The following MGAT4C variants were observed in gnomAD, a reference collection of about 807,000 sequenced individuals.
MGAT4C encodes MGAT4 family member C, also known as alpha-1,3-mannosyl-glycoprotein 4-beta-N-acetylglucosaminyltransferase C.
A neutral mutation model predicts 40.1 loss-of-function variants in MGAT4C; 19 were observed. The observed-to-expected ratio is 0.47, with a 90% CI of 0.33 to 0.70. The LOEUF is 0.70. Ranked by LOEUF, MGAT4C falls within the 30% of genes least tolerant of loss-of-function variation. The probability of loss-of-function intolerance (pLI) is 0.02; values close to 1 mark genes in which losing one functional copy is unlikely to be tolerated. For missense variants in MGAT4C, 491 were observed against 563.2 expected (o/e 0.87, Z 1.30); for synonymous variants, 181 against 187.1 (o/e 0.97, Z 0.27).
intron 2 of MGAT4C, among the ~76,000 whole-genome samples, chr12:86,716,469 A>T (rs1259310104): frequency 1.3e-5 from 2 of 152,126 alleles, no homozygotes; most frequent in Non-Finnish European, 2.9e-5. Flanking sequence ...TTGCCCTTGC[A>T]AAAAAGATAG....
chr12:86,200,298 T>C (rs1950003176), intron 1 of MGAT4C, among the ~76,000 whole-genome samples: 1 of 152,082 alleles, frequency 6.6e-6, no homozygotes, highest in Admixed American at 6.6e-5. Context: ...AATGAACACT[T>C]GGTAGTTTCT....
At chr12:86,677,821 T>C (rs1949895072) in intron 2 of MGAT4C, among the ~76,000 whole-genome samples, 1 of 152,140 alleles carries the variant, frequency 6.6e-6, no homozygotes, top group African/African-American at 2.4e-5. Flanking sequence ...AATTTAGCCA[T>C]GTTAATTTTC....
intron 2 of MGAT4C, among the ~76,000 whole-genome samples, chr12:86,591,204 T>C (rs1272719177): frequency 6.6e-6 from 1 of 152,038 alleles, no homozygotes; most frequent in African/African-American, 2.4e-5. Context: ...AACAAAGTAG[T>C]TAGCAAATAG....
intron 1 of MGAT4C, among the ~76,000 whole-genome samples, chr12:86,825,147 T>C (rs898536106): frequency 4.6e-5 from 7 of 151,120 alleles, no homozygotes; most frequent in Non-Finnish European, 1.0e-4. Context: ...ATGTACTTAA[T>C]GCCTAAATAT....
chr12:86,463,922 A>T (rs1957639152), intron 2 of MGAT4C, among the ~76,000 whole-genome samples: 1 of 152,196 alleles, frequency 6.6e-6, no homozygotes, highest in African/African-American at 2.4e-5. Flanking sequence ...TATTTAAATG[A>T]ATACATTATA....
At chr12:86,219,749 A>G (rs1950811505) in intron 1 of MGAT4C, among the ~76,000 whole-genome samples, 1 of 152,192 alleles carries the variant, frequency 6.6e-6, no homozygotes, top group Non-Finnish European at 1.5e-5. Context: ...GGTATTACCA[A>G]TTAATGGAAG....
chr12:86,077,386 G>T (rs1477538025), intron 1 of MGAT4C, among the ~76,000 whole-genome samples: 2 of 152,146 alleles, frequency 1.3e-5, no homozygotes, highest in East Asian at 1.9e-4. Context: ...ATGCTGATGT[G>T]AAGTCAATAA....
chr12:86,564,245 A>T (rs560949365), intron 2 of MGAT4C, among the ~76,000 whole-genome samples: 1 of 152,242 alleles, frequency 6.6e-6, no homozygotes, highest in African/African-American at 2.4e-5. Flanking sequence ...TTCATTTTTG[A>T]TCAAATTAAC....
At chr12:86,043,801 A>G (rs1892116179) in intron 2 of MGAT4C, among the ~76,000 whole-genome samples, 1 of 152,152 alleles carries the variant, frequency 6.6e-6, no homozygotes, top group Non-Finnish European at 1.5e-5. Context: ...TATCACTTAG[A>G]ATACTTGAAT....
chr12:86,087,251 A>G (rs1448892863), intron 1 of MGAT4C, among the ~76,000 whole-genome samples: 1 of 152,078 alleles, frequency 6.6e-6, no homozygotes, highest in African/African-American at 2.4e-5. Flanking sequence ...ACTGTTCTCC[A>G]TAGTGACTAT....
At chr12:86,239,432 C>T (rs1043213167) in intron 1 of MGAT4C, among the ~76,000 whole-genome samples, 5 of 152,074 alleles carry the variant, frequency 3.3e-5, no homozygotes, top group African/African-American at 1.2e-4. Context: ...CTGTCTACTT[C>T]AGCTGACGCA....
intron 4 of MGAT4C, among the ~76,000 whole-genome samples, chr12:86,322,585 T>A (rs911464389): frequency 2.6e-5 from 4 of 152,036 alleles, no homozygotes; most frequent in South Asian, 2.1e-4. Flanking sequence ...TTTCTTAATT[T>A]TTTTTATTTT....
intron 2 of MGAT4C, chr12:86,028,355 C>A (rs1395717318): frequency 5.7e-6 from 2 of 353,400 alleles, no homozygotes; most frequent in African/African-American, 2.1e-5. Context: ...GCAAGTGATG[C>A]TGTCACTATG....
chr12:86,381,978 C>T (rs1955939715), intron 3 of MGAT4C, among the ~76,000 whole-genome samples: 1 of 152,212 alleles, frequency 6.6e-6, no homozygotes, highest in Admixed American at 6.5e-5. Flanking sequence ...CCATGTGGAA[C>T]TGTAACTCCA....
At chr12:86,559,490 A>G (rs1959765500) in intron 2 of MGAT4C, among the ~76,000 whole-genome samples, 1 of 152,024 alleles carries the variant, frequency 6.6e-6, no homozygotes, top group African/African-American at 2.4e-5. Flanking sequence ...CTAGAAATCA[A>G]TAACAAGAAA....
rs1468535070 is a variant in MGAT4C, at chr12:85,957,318, A to G, written c.*21971T>C. The G allele has an allele frequency of 1.3e-5, 2 of 152,212 alleles. No homozygotes were observed. Among genetic ancestry groups the G allele is most frequent in the African/African-American group, 4.8e-5 (2 of 41,464 alleles). 9.4% of individuals were successfully genotyped at this position (152,212 alleles called of 1,614,324 possible). ...TTGCCCCTCATTCTATAATGAGGTCATCTCATATTATTTATTGCAAAAATC... is the reference window on the plus strand; with the variant it reads ...TTGCCCCTCATTCTATAATGAGGTCGTCTCATATTATTTATTGCAAAAATC... On this transcript the variant is annotated 3_prime_UTR_variant, in exon 5 of 5. Coordinates refer to ENST00000611864, the MANE Select transcript of MGAT4C (RefSeq NM_001351288.2).
intron 1 of MGAT4C, among the ~76,000 whole-genome samples, chr12:86,825,510 T>C (rs1952789295): frequency 6.6e-6 from 1 of 151,344 alleles, no homozygotes; most frequent in East Asian, 1.9e-4. Flanking sequence ...TCAGAGATCT[T>C]TATAACATTA....
At chr12:86,832,470 T>G (rs1326314141) in intron 1 of MGAT4C, among the ~76,000 whole-genome samples, 1 of 151,776 alleles carries the variant, frequency 6.6e-6, no homozygotes, top group Non-Finnish European at 1.5e-5. Context: ...CCTAAAAAGA[T>G]AAGTCACATA....
At chr12:86,536,574 T>C (rs2136379169) in intron 2 of MGAT4C, among the ~76,000 whole-genome samples, 1 of 152,288 alleles carries the variant, frequency 6.6e-6, no homozygotes, top group East Asian at 1.9e-4. Flanking sequence ...ATAAAACCTC[T>C]TTAAGCATTC....
Sources: gnomAD v4.1 joint callset for allele counts (sites outside exome capture counted in the v4.1 genomes callset) on GRCh38, gnomAD v4.1.1 for gene constraint, MANE v1.5 for transcripts, NCBI Gene and HGNC (gene_info 2026-07-23, HGNC 2026-07-21) for gene names.